Variants in GULP1 observed in about 807,000 individuals in gnomAD.
GULP1 encodes PTB domain-containing engulfment adapter protein 1.
In GULP1, 19 loss-of-function variants were observed where a neutral mutation model predicts 40.9. The ratio of observed to expected loss-of-function variants is 0.46; its 90% CI spans 0.32 to 0.68. The LOEUF is 0.68. Ranked by LOEUF, GULP1 falls within the 30% of genes least tolerant of loss-of-function variation. The pLI is 0.03. For synonymous variants in GULP1, 119 were observed against 117.6 expected (o/e 1.01, Z -0.08); for missense variants, 312 against 362.2 (o/e 0.86, Z 1.12).
intron 1 of GULP1, among the ~76,000 whole-genome samples, chr2:188,364,360 T>C (rs1386178074): frequency 1.3e-5 from 2 of 152,144 alleles, no homozygotes; most frequent in Non-Finnish European, 2.9e-5. Flanking sequence ...AAAGTGAAGA[T>C]TTTTAATTCC....
chr2:188,533,484 A>T (rs985216944), intron 6 of GULP1, among the ~76,000 whole-genome samples: 1 of 152,198 alleles, frequency 6.6e-6, no homozygotes, highest in Non-Finnish European at 1.5e-5. Context: ...TTTACTCAAG[A>T]TGGATCAAAT....
intron 7 of GULP1, among the ~76,000 whole-genome samples, chr2:188,566,361 A>G (rs888054080): frequency 2.2e-4 from 34 of 152,294 alleles, no homozygotes; most frequent in African/African-American, 7.9e-4. Flanking sequence ...CTAGACAGCT[A>G]AGTGCCTAGT....
intron 1 of GULP1, among the ~76,000 whole-genome samples, chr2:188,376,017 A>C (rs1316392425): frequency 6.6e-6 from 1 of 152,150 alleles, no homozygotes; most frequent in Non-Finnish European, 1.5e-5. Flanking sequence ...ACATTCTGTG[A>C]ATACCAGTAC....
chr2:188,523,012 G>A (rs929273409), intron 5 of GULP1, 185 bp downstream of exon 5: 13 of 484,994 alleles, frequency 2.7e-5, no homozygotes, highest in Non-Finnish European at 3.8e-5. Flanking sequence ...ACACAAAATT[G>A]TGTTTAAAAT....
At position 188,580,750 on chromosome 2, in the gene GULP1, T is replaced by A. The variant is rs180957134; in HGVS notation, c.610-3515T>A. Among the ~76,000 whole-genome samples the A allele has an allele frequency of 5.5e-3, 834 of 152,252 alleles. 4 individuals carry two copies. The highest frequency in any genetic ancestry group is 9.0e-3 in the Non-Finnish European group (610 of 67,998). On this transcript the variant is annotated intron_variant, in intron 9 of 11. Transcript: ENST00000409830. ...TTCCAGAAATATGTGAAGGGGGGCCTCCTAGCTTAAGGACATACCTCAGAC... is the reference window on the plus strand; with the variant it reads ...TTCCAGAAATATGTGAAGGGGGGCCACCTAGCTTAAGGACATACCTCAGAC...
chr2:188,546,150 T>G (rs1490701608), intron 7 of GULP1, among the ~76,000 whole-genome samples: 1 of 151,994 alleles, frequency 6.6e-6, no homozygotes, highest in African/African-American at 2.4e-5. Flanking sequence ...TTACTGGCAC[T>G]TTCCCTCAAA....
intron 11 of GULP1, chr2:188,592,417 T>G (rs188761168): frequency 6.6e-6 from 1 of 152,058 alleles, no homozygotes; most frequent in African/African-American, 2.4e-5. Context: ...GTTTAAAGTA[T>G]TTATTTTTCT....
At chr2:188,449,556 C>T (rs145189250) in intron 2 of GULP1, among the ~76,000 whole-genome samples, 6 of 152,248 alleles carry the variant, frequency 3.9e-5, no homozygotes, top group African/African-American at 1.4e-4. Context: ...ATACAGATGG[C>T]ATGAGCATTG....
At chr2:188,428,688 A>T (rs1332260958) in intron 2 of GULP1, among the ~76,000 whole-genome samples, 1 of 152,122 alleles carries the variant, frequency 6.6e-6, no homozygotes, top group Non-Finnish European at 1.5e-5. Flanking sequence ...AGCCAAGCAG[A>T]TGCTGCCATG....
intron 7 of GULP1, among the ~76,000 whole-genome samples, chr2:188,542,362 ATTTG>A (rs1236669701): frequency 6.6e-6 from 1 of 152,104 alleles, no homozygotes; most frequent in African/African-American, 2.4e-5. Flanking sequence ...CTGTTATGTC[ATTTG>A]TTTATCTAGT....
chr2:188,359,749 G>A (rs1443629641), intron 1 of GULP1, among the ~76,000 whole-genome samples: 2 of 152,074 alleles, frequency 1.3e-5, no homozygotes, highest in Non-Finnish European at 2.9e-5. Context: ...CTGATTGCTC[G>A]TTTTTCCTTA....
intron 1 of GULP1, among the ~76,000 whole-genome samples, chr2:188,304,521 A>G (rs569493835): frequency 6.6e-6 from 1 of 152,170 alleles, no homozygotes; most frequent in Non-Finnish European, 1.5e-5. Context: ...AATTGGTAGG[A>G]TGGGAAGTAA....
intron 1 of GULP1, among the ~76,000 whole-genome samples, chr2:188,371,463 C>T (rs2047589637): frequency 6.6e-6 from 1 of 151,944 alleles, no homozygotes; most frequent in Admixed American, 6.6e-5. Context: ...ATAAGAGAGT[C>T]GAGATTTCTG....
chr2:188,354,664 G>A (rs965694962), intron 1 of GULP1, among the ~76,000 whole-genome samples: 1 of 152,140 alleles, frequency 6.6e-6, no homozygotes, highest in Non-Finnish European at 1.5e-5. Context: ...CCATGGCTAA[G>A]TCTCCCCATT....
At chr2:188,477,505 T>C (rs879917645) in intron 2 of GULP1, among the ~76,000 whole-genome samples, 154 bp from the exon 3 acceptor site, 1 of 152,130 alleles carries the variant, frequency 6.6e-6, no homozygotes, top group Admixed American at 6.6e-5. Flanking sequence ...GTACTTGTGT[T>C]TTTTCTTACC....
At position 188,541,187 on chromosome 2, in the gene GULP1, C is replaced by G. The variant is rs1371091574; in HGVS notation, c.268C>G (p.Gln90Glu). The change falls in exon 7 of 12, where the codon CAA (glutamine) becomes GAA (glutamate). Residue 90 changes from glutamine to glutamate, a missense_variant. Coordinates refer to ENST00000409830, the MANE Select transcript of GULP1 (RefSeq NM_016315.4). ...KILEPKTKEV[Q>E]HNCQLHRISF... ...TTTCCATCTGTGTTCACAGGAAGTT[C>G]AACACAATTGCCAGCTTCATAGAAT... The G allele has an allele frequency of 6.2e-7, 1 of 1,612,246 alleles. No individual in the cohort carries two copies. The highest frequency in any genetic ancestry group is 1.3e-5 in the African/African-American group (1 of 74,882).
intron 1 of GULP1, among the ~76,000 whole-genome samples, chr2:188,366,396 A>C (rs1402156600): frequency 6.6e-6 from 1 of 152,136 alleles, no homozygotes; most frequent in African/African-American, 2.4e-5. Flanking sequence ...AGAGAAAAAA[A>C]TAAGCTCCAT....
At chr2:188,430,072 A>T (rs2152813644) in intron 2 of GULP1, among the ~76,000 whole-genome samples, 1 of 152,274 alleles carries the variant, frequency 6.6e-6, no homozygotes, top group Admixed American at 6.5e-5. Flanking sequence ...AGCCCCTAGC[A>T]ATAGCTCTAA....
intron 10 of GULP1, among the ~76,000 whole-genome samples, chr2:188,586,877 T>C (rs569822813): frequency 6.6e-6 from 1 of 151,936 alleles, no homozygotes; most frequent in East Asian, 1.9e-4. Context: ...TTTTTTAATT[T>C]TTTAATTTTT....
Sources: allele counts gnomAD v4.1 joint callset (sites outside exome capture counted in the v4.1 genomes callset), GRCh38; gene constraint gnomAD v4.1.1; transcripts MANE v1.5; gene names NCBI Gene and HGNC (gene_info 2026-07-23, HGNC 2026-07-21).